SLC25A48: variants seen among roughly 807,000 people sequenced by gnomAD.
The protein encoded by SLC25A48 is CTC-321K16.1.
Under a neutral mutation model 32.2 loss-of-function variants are expected in SLC25A48, and 29 were observed. The observed-to-expected ratio is 0.90, with a 90% CI of 0.67 to 1.23. SLC25A48 has a LOEUF of 1.23. Among genes scored for constraint, SLC25A48 ranks in the 50% most tolerant of loss-of-function variants. The pLI, the probability that SLC25A48 is intolerant of heterozygous loss-of-function variation, is 0.00. For synonymous variants in SLC25A48, 164 were observed against 172.3 expected, an observed-to-expected ratio of 0.95 and a Z score of 0.38; for missense variants, 399 against 422.7, an observed-to-expected ratio of 0.94 and a Z score of 0.49.
At chr5:135,693,411 A>G (rs1031543440) in intron 3 of SLC25A48, among the ~76,000 whole-genome samples, 3 of 152,232 alleles carry the variant, frequency 2.0e-5, no homozygotes, top group African/African-American at 7.2e-5. Context: ...ACTGATTGGA[A>G]TATGGGGACT....
chr5:135,728,995 GCT>G (rs759066180), intron 3 of SLC25A48, among the ~76,000 whole-genome samples: 3 of 152,136 alleles, frequency 2.0e-5, no homozygotes, highest in Non-Finnish European at 2.9e-5. Flanking sequence ...GTAGTTCAGA[GCT>G]CTGTGTCCTA....
At chr5:135,832,994 C>T (rs187464358), upstream of SLC25A48, among the ~76,000 whole-genome samples, 23 of 152,322 alleles carry the variant, frequency 1.5e-4, no homozygotes, top group Admixed American at 1.3e-3. Flanking sequence ...CTCTGAAGTG[C>T]GAAGGCCAGG....
chr5:135,818,952 A>G (rs977972607), intron 4 of SLC25A48, among the ~76,000 whole-genome samples: 1 of 152,170 alleles, frequency 6.6e-6, no homozygotes, highest in African/African-American at 2.4e-5. Flanking sequence ...TCACTGAATG[A>G]TTTCAGTAGC....
intron 4 of SLC25A48, among the ~76,000 whole-genome samples, chr5:135,861,179 A>G (rs2126770658): frequency 6.6e-6 from 1 of 152,328 alleles, no homozygotes. Flanking sequence ...TGCTATATGG[A>G]CAATTTCATG....
intron 1 of SLC25A48, among the ~76,000 whole-genome samples, chr5:135,592,080 C>A (rs554207449): frequency 2.0e-5 from 3 of 152,252 alleles, no homozygotes; most frequent in East Asian, 1.9e-4. Context: ...GGGAAACAGG[C>A]CAAGTTAGAG....
At chr5:135,768,616 G>A (rs1756311474) in intron 3 of SLC25A48, among the ~76,000 whole-genome samples, 1 of 151,490 alleles carries the variant, frequency 6.6e-6, no homozygotes, top group Non-Finnish European at 1.5e-5. Flanking sequence ...TCCCAATGTC[G>A]CAGGGATTGT....
chr5:135,713,423 C>T (rs1323605018), intron 3 of SLC25A48, among the ~76,000 whole-genome samples: 2 of 152,230 alleles, frequency 1.3e-5, no homozygotes, highest in Non-Finnish European at 2.9e-5. Context: ...AGGGGCCCTT[C>T]TGAGGCCTCC....
chr5:135,672,347 C>A (rs533257593), intron 3 of SLC25A48, among the ~76,000 whole-genome samples: 8 of 152,334 alleles, frequency 5.3e-5, no homozygotes, highest in African/African-American at 1.9e-4. Context: ...TTCATAACCA[C>A]AGCAGGTTTT....
At chr5:135,815,863 C>T (rs1266374085) in intron 4 of SLC25A48, among the ~76,000 whole-genome samples, 1 of 152,176 alleles carries the variant, frequency 6.6e-6, no homozygotes, top group Admixed American at 6.5e-5. Context: ...AAAATCTACT[C>T]ACTCTTGTCC....
Position 135,607,757 on chromosome 5 carries a change from A to G in SLC25A48, c.-848-21480A>G, listed in dbSNP as rs577460938. ...ATTTGTTAGTTCCTAGTGGAAGCTC[A>G]TCTTGGTGACTTCAACAGGGGCCCA... is the stretch of plus-strand genomic sequence containing the variant. On this transcript the variant is annotated intron_variant, in intron 1 of 10. Coordinates refer to the SLC25A48 transcript ENST00000646290. Among the ~76,000 whole-genome samples, 9 of 152,326 alleles carry G rather than the reference A, an allele frequency of 5.9e-5. No homozygotes were observed. In the South Asian group the frequency reaches 1.9e-3, roughly 32 times the overall value.
chr5:135,779,097 G>A (rs1214166453), intron 3 of SLC25A48, among the ~76,000 whole-genome samples: 1 of 151,662 alleles, frequency 6.6e-6, no homozygotes, highest in African/African-American at 2.4e-5. Context: ...TAATATTTAA[G>A]GAGAAAGAGG....
rs762781873 is a variant in SLC25A48 at position 135,800,376 on chromosome 5, T to C, written c.-520-12147T>C. 2.3e-4 allele frequency among the ~76,000 whole-genome samples: 35 copies of C among 151,956 alleles called. 1 individual carries two copies. Among genetic ancestry groups the C allele is most frequent in the Non-Finnish European group, 4.9e-4 (33 of 67,946 alleles). On this transcript the variant is annotated intron_variant, in intron 3 of 10. Transcript: ENST00000646290. ...CCAATATCGAAGGGGGTGTTCACCA[T>C]TTCTGTAATATTGTTCCTAATATCC...
chr5:135,800,406 G>T (rs912399356), intron 3 of SLC25A48, among the ~76,000 whole-genome samples: 5 of 151,922 alleles, frequency 3.3e-5, no homozygotes, highest in Admixed American at 1.3e-4. Flanking sequence ...ATATCCAGAA[G>T]CTAAGCAGAT....
At chr5:135,771,124 C>T (rs556203309) in intron 3 of SLC25A48, among the ~76,000 whole-genome samples, 2 of 150,266 alleles carry the variant, frequency 1.3e-5, no homozygotes, top group Admixed American at 1.3e-4. Flanking sequence ...GGTGATGTTT[C>T]TCCTAATATT....
chr5:135,752,440 C>T (rs988237749), intron 3 of SLC25A48, among the ~76,000 whole-genome samples: 18 of 152,182 alleles, frequency 1.2e-4, no homozygotes, highest in Non-Finnish European at 2.6e-4. Context: ...TAATATCTTT[C>T]TACAATATTA....
At chr5:135,777,004 C>G (rs1479696634) in intron 3 of SLC25A48, among the ~76,000 whole-genome samples, 1 of 151,308 alleles carries the variant, frequency 6.6e-6, no homozygotes, top group African/African-American at 2.4e-5. Flanking sequence ...AGGGAGAGTA[C>G]CCCCCTTTTA....
At chr5:135,778,536 C>A (rs1424067094) in intron 3 of SLC25A48, among the ~76,000 whole-genome samples, 2 of 151,206 alleles carry the variant, frequency 1.3e-5, no homozygotes, top group Non-Finnish European at 2.9e-5. Flanking sequence ...AGGGTGTACA[C>A]CATCCTGTAA....
At chr5:135,705,188 T>C (rs900562537) in intron 3 of SLC25A48, among the ~76,000 whole-genome samples, 7 of 152,092 alleles carry the variant, frequency 4.6e-5, no homozygotes, top group African/African-American at 1.7e-4. Flanking sequence ...GATTCAGAGC[T>C]CCATTCAGGC....
At chr5:135,753,135 G>A (rs1755809337) in intron 3 of SLC25A48, among the ~76,000 whole-genome samples, 1 of 151,958 alleles carries the variant, frequency 6.6e-6, no homozygotes, top group African/African-American at 2.4e-5. Context: ...ATCACAGGGG[G>A]TGTACAGAAA....
Sources: gnomAD v4.1 joint callset for allele counts (sites outside exome capture counted in the v4.1 genomes callset) on GRCh38, gnomAD v4.1.1 for gene constraint, MANE v1.5 for transcripts, NCBI Gene and HGNC (gene_info 2026-07-23, HGNC 2026-07-21) for gene names.